TSPAN14: variants seen among roughly 807,000 people sequenced by gnomAD.
TSPAN14 encodes tetraspanin 14.
Under a neutral mutation model 36.6 loss-of-function variants are expected in TSPAN14, and 16 were observed. The ratio of observed to expected loss-of-function variants is 0.44; its 90% CI spans 0.30 to 0.66. The LOEUF (loss-of-function observed/expected upper bound fraction) is 0.66, where lower values mean the gene tolerates loss of function less well. Among genes scored for constraint, TSPAN14 ranks in the 30% least tolerant of loss-of-function variants. The pLI is 0.12. For synonymous variants in TSPAN14, 139 were observed against 143.8 expected (o/e 0.97, Z 0.24); for missense variants, 231 against 355.1 (o/e 0.65, Z 2.81).
chr10:80,484,546 T>C, intron 1 of TSPAN14, among the ~76,000 whole-genome samples: 1 of 152,208 alleles, frequency 6.6e-6, no homozygotes, highest in East Asian at 1.9e-4. Flanking sequence ...TTTCCATTTG[T>C]TACGTTATTC....
chr10:80,500,642 C>T (rs900012533), intron 2 of TSPAN14, among the ~76,000 whole-genome samples: 2 of 152,238 alleles, frequency 1.3e-5, no homozygotes, highest in African/African-American at 4.8e-5. Flanking sequence ...TGAGCTACCA[C>T]GCCTGGCCAA....
chr10:80,502,731 A>T (rs1848593785), intron 2 of TSPAN14, among the ~76,000 whole-genome samples: 1 of 152,106 alleles, frequency 6.6e-6, no homozygotes, highest in Non-Finnish European at 1.5e-5. Context: ...TCTTAGGAGG[A>T]CAAGTAAAGT....
intron 1 of TSPAN14, among the ~76,000 whole-genome samples, chr10:80,474,041 A>G (rs1252873829): frequency 1.3e-5 from 2 of 152,124 alleles, no homozygotes; most frequent in Non-Finnish European, 2.9e-5. Context: ...TGGCCTGTGA[A>G]TGTTCCTCAG....
chr10:80,511,725 T>TCC (rs1840645747), intron 5 of TSPAN14, among the ~76,000 whole-genome samples: 1 of 97,258 alleles, frequency 1.0e-5, no homozygotes, highest in Non-Finnish European at 2.1e-5. Flanking sequence ...TCTCTCTCTC[T>TCC]CTCTCTCTCT....
intron 2 of TSPAN14, among the ~76,000 whole-genome samples, chr10:80,498,948 G>T: frequency 2.0e-5 from 3 of 152,322 alleles, no homozygotes; most frequent in Admixed American, 2.0e-4. Flanking sequence ...TGAATGTCAG[G>T]CTGAGTCAGC....
intron 1 of TSPAN14, among the ~76,000 whole-genome samples, chr10:80,472,528 GCTATTTCACATCAAACTCATGACT>G: frequency 6.6e-6 from 1 of 152,160 alleles, no homozygotes; most frequent in African/African-American, 2.4e-5. Flanking sequence ...AATACAGTAT[GCTATTTCACATCAAACTCATGACT>G]GGTTTTAGGA....
At chr10:80,483,589 A>G (rs1847411592) in intron 1 of TSPAN14, among the ~76,000 whole-genome samples, 2 of 152,070 alleles carry the variant, frequency 1.3e-5, no homozygotes, top group South Asian at 4.2e-4. Context: ...TTGCCACAAT[A>G]GTGGTGGCAA....
intron 1 of TSPAN14, among the ~76,000 whole-genome samples, chr10:80,470,624 A>G (rs1846492763): frequency 6.6e-6 from 1 of 152,238 alleles, no homozygotes. Context: ...TCAAATCTAC[A>G]TTAGGCATGT....
At position 80,462,380 on chromosome 10, in the gene TSPAN14, G is replaced by A. The variant is rs1237358550; in HGVS notation, c.-18+8009G>A. 3.3e-5 allele frequency among the ~76,000 whole-genome samples: 5 copies of A among 150,522 alleles called. No homozygotes were observed. In the East Asian group the frequency reaches 9.7e-4, roughly 29 times the overall value. On this transcript the variant is annotated intron_variant, in intron 1 of 8. Transcript: ENST00000429989. ...GGGATGGGATGGGATGGGGTGGGGTGGGGTGGAGGAGTTATTCTACATAGA... is the reference window on the plus strand; with the variant it reads ...GGGATGGGATGGGATGGGGTGGGGTAGGGTGGAGGAGTTATTCTACATAGA...
At chr10:80,469,443 C>T (rs900892241) in intron 1 of TSPAN14, among the ~76,000 whole-genome samples, 5 of 152,164 alleles carry the variant, frequency 3.3e-5, no homozygotes, top group South Asian at 2.1e-4. Context: ...TTTCACTTTA[C>T]GCCTGCACAT....
intron 1 of TSPAN14, among the ~76,000 whole-genome samples, chr10:80,481,740 C>T (rs1847289206): frequency 6.6e-6 from 1 of 152,254 alleles, no homozygotes; most frequent in Non-Finnish European, 1.5e-5. Flanking sequence ...ATTCTCCTGC[C>T]TCTGCCTCCC....
chr10:80,520,675 T>C (rs1841220865), exon 9 of TSPAN14: 1 of 533,354 alleles, frequency 1.9e-6, no homozygotes, highest in Admixed American at 1.9e-5. Flanking sequence ...TCCTAAAAAC[T>C]TGCCGAGGCC....
At chr10:80,463,179 T>A (rs7906548) in intron 1 of TSPAN14, 21,982 of 152,092 alleles carry the variant, frequency 0.14, 2,485 homozygotes, top group African/African-American at 0.32. Context: ...CTTCCCCTTG[T>A]TTCGTTTCCC....
intron 1 of TSPAN14, among the ~76,000 whole-genome samples, chr10:80,465,924 T>C (rs1334590755): frequency 6.6e-6 from 1 of 152,188 alleles, no homozygotes; most frequent in Non-Finnish European, 1.5e-5. Context: ...GAGCATTCTC[T>C]TTTGGGGTAC....
At chr10:80,482,120 C>T (rs1489901430) in intron 1 of TSPAN14, among the ~76,000 whole-genome samples, 2 of 152,152 alleles carry the variant, frequency 1.3e-5, no homozygotes, top group Admixed American at 6.5e-5. Flanking sequence ...TTGGAAGTGT[C>T]ACCTAGAAAG....
At chr10:80,511,299 T>A (rs1840603989) in intron 5 of TSPAN14, among the ~76,000 whole-genome samples, 1 of 152,188 alleles carries the variant, frequency 6.6e-6, no homozygotes, top group African/African-American at 2.4e-5. Flanking sequence ...TTCACCTTCA[T>A]CGGACCTCTT....
intron 8 of TSPAN14, 115 bp downstream of exon 8, chr10:80,516,438 G>T: frequency 7.0e-7 from 1 of 1,435,192 alleles, no homozygotes. Flanking sequence ...GCTTGCAGAA[G>T]AAAAAAAGGG....
chr10:80,502,500 T>G (rs1034959753), intron 2 of TSPAN14, among the ~76,000 whole-genome samples: 1 of 152,066 alleles, frequency 6.6e-6, no homozygotes, highest in Non-Finnish European at 1.5e-5. Context: ...TCGAATGCAC[T>G]GTGTATTTGG....
At chr10:80,517,499 C>T (rs773770257) in intron 8 of TSPAN14, among the ~76,000 whole-genome samples, 7 of 152,202 alleles carry the variant, frequency 4.6e-5, no homozygotes, top group African/African-American at 1.2e-4. Flanking sequence ...ATTATGGAAT[C>T]GACGTTTACA....
Sources: gnomAD v4.1 joint callset for allele counts (sites outside exome capture counted in the v4.1 genomes callset) on GRCh38, gnomAD v4.1.1 for gene constraint, MANE v1.5 for transcripts, NCBI Gene and HGNC (gene_info 2026-07-23, HGNC 2026-07-21) for gene names.